C10orf67: variants seen among roughly 807,000 people sequenced by gnomAD.
The protein encoded by C10orf67 is chromosome 10 open reading frame 67, also known as uncharacterized protein C10orf67, mitochondrial.
C10orf67 carries 60 observed loss-of-function variants against 35.6 expected under a neutral mutation model. That is an observed-to-expected ratio of 1.68 (90% CI 1.37 to 2.09). The LOEUF (loss-of-function observed/expected upper bound fraction) is 2.09. Among genes scored for constraint, C10orf67 ranks in the 30% most tolerant of loss-of-function variants. The pLI is 0.00. For missense variants in C10orf67, 474 were observed against 330.2 expected (o/e 1.44, Z -3.38); for synonymous variants, 167 against 115.8 (o/e 1.44, Z -2.84).
intron 8 of C10orf67, among the ~76,000 whole-genome samples, chr10:23,279,055 C>A (rs1265999089): frequency 1.3e-5 from 2 of 152,136 alleles, no homozygotes; most frequent in African/African-American, 4.8e-5. Context: ...AGTTCAAGAC[C>A]AGCCTGGGCA....
intron 15 of C10orf67, among the ~76,000 whole-genome samples, chr10:23,218,132 G>A (rs554071279): frequency 1.3e-5 from 2 of 152,142 alleles, no homozygotes; most frequent in South Asian, 2.1e-4. Flanking sequence ...GAGACAGGCT[G>A]CTGATCTTCC....
chr10:23,301,887 A>G (rs1844088530), intron 5 of C10orf67, among the ~76,000 whole-genome samples: 1 of 152,260 alleles, frequency 6.6e-6, no homozygotes, highest in African/African-American at 2.4e-5. Context: ...GCACTTAGCC[A>G]TGCAGGAACA....
chr10:23,236,472 A>C (rs1842057366), intron 13 of C10orf67, among the ~76,000 whole-genome samples: 1 of 151,998 alleles, frequency 6.6e-6, no homozygotes, highest in East Asian at 1.9e-4. Context: ...AAACAAAAAA[A>C]CAACAATATC....
At position 23,281,151 on chromosome 10, in the gene C10orf67, G is replaced by A. The variant is rs562899974; in HGVS notation, c.975+862C>T. Among the ~76,000 whole-genome samples the A allele has an allele frequency of 2.4e-4, 37 of 152,218 alleles. No individual in the cohort carries two copies. The South Asian group carries it at 7.0e-3, about 29-fold the overall frequency. The stretch of plus-strand genomic sequence containing the variant: ...TTGCCTGCATTCCCAAGTTGGTTTC[G>A]TAGAAGGCTTTATTGTAATCCAGGA... On this transcript the variant is annotated intron_variant, in intron 8 of 15. Coordinates refer to ENST00000636213, the MANE Select transcript of C10orf67 (RefSeq NM_001371909.1).
rs11813971 is a variant in C10orf67 at position 23,266,814 on chromosome 10, C to T, written c.1035+381G>A. ...TCAGGATGCACTCCTCCTGATGCCC[C>T]GCTAGCTGGCTTTTTGGCTTTCGAT... On this transcript the variant is annotated intron_variant, in intron 9 of 15. Coordinates refer to ENST00000636213, the MANE Select transcript of C10orf67 (RefSeq NM_001371909.1). Among the ~76,000 whole-genome samples, 9,056 of 152,154 alleles carry T rather than the reference C, an allele frequency of 0.06. 1,265 individuals are homozygous for T. In the East Asian group the frequency reaches 0.63, roughly 11 times the overall value.
rs534453082 is a variant in C10orf67 at position 23,274,287 on chromosome 10, G to A, written c.976-7033C>T. 3.9e-5 allele frequency among the ~76,000 whole-genome samples: 6 copies of A among 152,202 alleles called. No individual in the cohort carries two copies. The South Asian group carries it at 8.3e-4, about 21-fold the overall frequency. On this transcript the variant is annotated intron_variant, in intron 8 of 15. Coordinates refer to ENST00000636213, the MANE Select transcript of C10orf67 (RefSeq NM_001371909.1). ...CATCTTAACAGGAAACAGCGTTCGGGAGCAGACAACTGGTCTGACTAGAAT... is the reference window on the plus strand; with the variant it reads ...CATCTTAACAGGAAACAGCGTTCGGAAGCAGACAACTGGTCTGACTAGAAT...
chr10:23,202,122 GCTGATCAAAGCACCCATT>G (rs1289039135), downstream of C10orf67: 1 of 152,260 alleles, frequency 6.6e-6, no homozygotes, highest in Non-Finnish European at 1.5e-5. Context: ...ACCCCAGGGA[GCTGATCAAAGCACCCATT>G]CTCTTTCATC....
intron 10 of C10orf67, 139 bp from the exon 11 acceptor site, chr10:23,250,830 A>G (rs1195098097): frequency 2.5e-6 from 1 of 392,248 alleles, no homozygotes; most frequent in Non-Finnish European, 4.5e-6. Context: ...GGGCACGGTG[A>G]CTCACGCCTG....
In C10orf67 at chr10:23,320,743, G is replaced by A. The variant is rs1380028836; in HGVS notation, c.544C>T (p.Gln182Ter). 1.3e-6 allele frequency: 2 copies of A among 1,586,568 alleles called. No homozygotes were observed. Among genetic ancestry groups the A allele is most frequent in the East Asian group, 2.3e-5 (1 of 44,196 alleles). The stretch of plus-strand genomic sequence containing the variant: ...CGGCACCAGAAACAGAAACTCACCT[G>A]GTACATTCCTTTGATAACAGCTATG... ...DAIAVIKGMY[Q>*]QFFEVEEENV... The change falls in exon 4 of 16, where the codon CAG becomes TAG. Residue 182 changes from glutamine to a stop codon, truncating the protein, a stop_gained and splice_region_variant. Coordinates refer to ENST00000636213, the MANE Select transcript of C10orf67 (RefSeq NM_001371909.1). LOFTEE classifies it high-confidence loss of function.
intron 8 of C10orf67, among the ~76,000 whole-genome samples, chr10:23,270,831 A>G (rs1488098560): frequency 6.6e-6 from 1 of 152,208 alleles, no homozygotes; most frequent in Non-Finnish European, 1.5e-5. Context: ...TAGTGGCCAG[A>G]CTGCTTCTTT....
chr10:23,214,096 TA>T (rs1457905101), intron 15 of C10orf67, among the ~76,000 whole-genome samples: 1 of 151,994 alleles, frequency 6.6e-6, no homozygotes, highest in Non-Finnish European at 1.5e-5. Context: ...TTACCAGGGT[TA>T]AAGAGGCCAG....
chr10:23,231,551 C>T (rs1005035154), intron 13 of C10orf67, among the ~76,000 whole-genome samples: 2 of 152,162 alleles, frequency 1.3e-5, no homozygotes, highest in African/African-American at 2.4e-5. Context: ...AGCAGCCTTC[C>T]ATCTATTTAA....
At chr10:23,330,096 TTAGAAA>T (rs1432784082) in intron 2 of C10orf67, among the ~76,000 whole-genome samples, 1 of 152,174 alleles carries the variant, frequency 6.6e-6, no homozygotes, top group African/African-American at 2.4e-5. Context: ...CTCTTATTAA[TTAGAAA>T]TAGAAGAAGA....
At chr10:23,293,193 C>T (rs1167863206) in intron 5 of C10orf67, among the ~76,000 whole-genome samples, 1 of 152,166 alleles carries the variant, frequency 6.6e-6, no homozygotes, top group Non-Finnish European at 1.5e-5. Context: ...CAGCTAATAC[C>T]TAACTACGGG....
chr10:23,284,766 G>T (rs79459366), intron 7 of C10orf67, among the ~76,000 whole-genome samples: 5 of 152,126 alleles, frequency 3.3e-5, no homozygotes, highest in Non-Finnish European at 7.4e-5. Flanking sequence ...ACAGGAGAAC[G>T]TGAGAAAGGT....
chr10:23,216,768 AT>A (rs1841442484), intron 15 of C10orf67, among the ~76,000 whole-genome samples: 1 of 152,178 alleles, frequency 6.6e-6, no homozygotes, highest in Admixed American at 6.5e-5. Flanking sequence ...AACATGCCAA[AT>A]GATGTTATAA....
chr10:23,257,336 T>C (rs766861534), intron 10 of C10orf67, among the ~76,000 whole-genome samples: 4 of 152,140 alleles, frequency 2.6e-5, no homozygotes, highest in Non-Finnish European at 5.9e-5. Context: ...CCTTCACTCA[T>C]GGAGCACCAA....
intron 15 of C10orf67, among the ~76,000 whole-genome samples, chr10:23,215,530 G>C (rs1743558447): frequency 6.6e-6 from 1 of 152,044 alleles, no homozygotes; most frequent in Admixed American, 6.6e-5. Flanking sequence ...CTGACCTCAT[G>C]ATCCACCTGC....
At chr10:23,287,440 T>A (rs571865542) in intron 7 of C10orf67, among the ~76,000 whole-genome samples, 33 of 152,330 alleles carry the variant, frequency 2.2e-4, no homozygotes, top group Admixed American at 8.5e-4. Context: ...AAACTGAAAC[T>A]GGACCCTTTC....
Sources: allele counts gnomAD v4.1 joint callset (sites outside exome capture counted in the v4.1 genomes callset), GRCh38; gene constraint gnomAD v4.1.1; transcripts MANE v1.5; gene names NCBI Gene and HGNC (gene_info 2026-07-23, HGNC 2026-07-21).